HORMAD1: variants seen among roughly 807,000 people sequenced by gnomAD.
HORMAD1 encodes the protein HORMA domain containing 1.
HORMAD1 carries 33 observed loss-of-function variants against 58.2 expected under a neutral mutation model. That is an observed-to-expected ratio of 0.57 (90% CI 0.43 to 0.76). The LOEUF (loss-of-function observed/expected upper bound fraction) is 0.76, where lower values mean the gene tolerates loss of function less well. Among genes scored for constraint, HORMAD1 ranks in the 30% least tolerant of loss-of-function variants. The pLI, the probability that HORMAD1 is intolerant of heterozygous loss-of-function variation, is 0.00. For missense variants in HORMAD1, 363 were observed against 462.0 expected (o/e 0.79, Z 1.96); for synonymous variants, 137 against 144.6 (o/e 0.95, Z 0.38).
At chr1:150,718,684 G>C (rs1652163284) in intron 2 of HORMAD1, among the ~76,000 whole-genome samples, 1 of 152,086 alleles carries the variant, frequency 6.6e-6, no homozygotes, top group Admixed American at 6.5e-5. Flanking sequence ...GAGTGCAGTG[G>C]TGTGATCTCG....
chr1:150,717,332 AAGT>A (rs755889169), intron 2 of HORMAD1, 50 bp from the exon 3 acceptor site: 1 of 1,247,776 alleles, frequency 8.0e-7, no homozygotes, highest in South Asian at 1.7e-5. Context: ...ATTAAAAATA[AAGT>A]TTCTCTTGAC....
chr1:150,706,465 C>T (rs1651693255), intron 10 of HORMAD1, 88 bp downstream of exon 10: 8 of 1,111,224 alleles, frequency 7.2e-6, no homozygotes, highest in South Asian at 3.1e-5. Flanking sequence ...AGAATTTACA[C>T]AAATGTTAAT....
chr1:150,699,786 T>C (rs1932864), intron 14 of HORMAD1, among the ~76,000 whole-genome samples: 124,250 of 151,190 alleles, frequency 0.82, 52,178 homozygotes, highest in Non-Finnish European at 0.9. Flanking sequence ...CCTGCCTCAG[T>C]CTCCCAAAGT....
chr1:150,708,464 A>G, intron 8 of HORMAD1, 57 bp from the exon 9 acceptor site: 2 of 1,135,232 alleles, frequency 1.8e-6, no homozygotes, highest in Admixed American at 2.6e-5. Context: ...CTAATATCAT[A>G]ACTTTACATT....
At chr1:150,709,518 C>T (rs1033306640) in intron 7 of HORMAD1, among the ~76,000 whole-genome samples, 10 of 152,208 alleles carry the variant, frequency 6.6e-5, no homozygotes, top group Non-Finnish European at 8.8e-5. Flanking sequence ...TGCGGAAAGC[C>T]GCAGGGACCT....
At position 150,706,570 on chromosome 1, in the gene HORMAD1, G is replaced by T. The variant is rs867518028; in HGVS notation, c.787C>A (p.Gln263Lys). 6 of 1,606,304 alleles carry T rather than the reference G, an allele frequency of 3.7e-6. No homozygotes were observed. In the Middle Eastern group the frequency reaches 9.9e-4, roughly 266 times the overall value. ...ILRDKDVEDE[Q>K]EHYTSDDLDI... Reference sequence around the variant, plus strand: ...ACACTTACACTTGTATAATGCTCCTGTTCATCTTCTACATCTTTGTCCCTC... The same window carrying T: ...ACACTTACACTTGTATAATGCTCCTTTTCATCTTCTACATCTTTGTCCCTC... The change falls in exon 10 of 15, where the codon CAG becomes AAG. Residue 263 changes from glutamine (Q) to lysine (K), a missense_variant. By Grantham distance (53) the Gln-to-Lys change is moderately conservative. This residue lies in a region of HORMAD1 where 226 missense variants were observed against 257.8 expected (regional missense o/e 0.88). Transcript: ENST00000361824.
In HORMAD1 at chr1:150,706,568, C is replaced by T; in HGVS notation, c.789G>A (p.Gln263=). The part of the protein sequence containing the change: ...ILRDKDVEDE[Q]EHYTSDDLDI... ...ATACACTTACACTTGTATAATGCTC[C>T]TGTTCATCTTCTACATCTTTGTCCC... The change falls in exon 10 of 15, where the codon CAG becomes CAA. Residue 263 remains glutamine, a synonymous_variant. Transcript: ENST00000361824. 1 of 1,605,506 alleles carries T rather than the reference C, an allele frequency of 6.2e-7. No homozygotes were observed. The highest frequency in any genetic ancestry group is 8.5e-7 in the Non-Finnish European group (1 of 1,173,792).
At chr1:150,702,158 C>A (rs1267299877) in intron 13 of HORMAD1, among the ~76,000 whole-genome samples, 13 of 152,128 alleles carry the variant, frequency 8.5e-5, no homozygotes, top group Admixed American at 5.9e-4. Flanking sequence ...ATGTGGCCAA[C>A]AAACATATGA....
At chr1:150,713,053 T>A (rs1246284447) in intron 5 of HORMAD1, among the ~76,000 whole-genome samples, 2 of 152,114 alleles carry the variant, frequency 1.3e-5, no homozygotes, top group Non-Finnish European at 2.9e-5. Flanking sequence ...AACTTCCAAT[T>A]CTTTGCATTT....
Position 150,698,443 on chromosome 1 carries a change from T to C in HORMAD1, c.*211A>G. The stretch of plus-strand genomic sequence containing the variant: ...ATTTTACTTATTACCGAATCAATTA[T>C]GACATTTGTACTTTTGCTTTTATTC... On this transcript the variant is annotated 3_prime_UTR_variant, in exon 15 of 15. Coordinates refer to ENST00000361824, the MANE Select transcript of HORMAD1 (RefSeq NM_032132.5). The C allele has an allele frequency of 2.9e-6, 1 of 350,144 alleles. No individual in the cohort carries two copies. Among genetic ancestry groups the C allele is most frequent in the East Asian group, 4.5e-5 (1 of 22,034 alleles). 21.7% of individuals were successfully genotyped at this position (350,144 alleles called of 1,614,324 possible).
At chr1:150,718,290 G>C (rs1490621967) in intron 2 of HORMAD1, among the ~76,000 whole-genome samples, 2 of 150,436 alleles carry the variant, frequency 1.3e-5, no homozygotes, top group African/African-American at 2.4e-5. Flanking sequence ...ATATATCCTC[G>C]CACAACCTCT....
At chr1:150,706,293 G>A (rs1007956800) in intron 10 of HORMAD1, among the ~76,000 whole-genome samples, 1 of 152,172 alleles carries the variant, frequency 6.6e-6, no homozygotes, top group African/African-American at 2.4e-5. Context: ...GAAGGTAAGT[G>A]ACATAGGGAG....
rs587612826 is a variant in HORMAD1 at position 150,710,359 on chromosome 1, C to A, written c.327+1186G>T. Among the ~76,000 whole-genome samples, 10 of 152,182 alleles carry A rather than the reference C, an allele frequency of 6.6e-5. No homozygotes were observed. In the East Asian group the frequency reaches 1.7e-3, roughly 26 times the overall value. On this transcript the variant is annotated intron_variant, in intron 7 of 14. Coordinates refer to ENST00000361824, the MANE Select transcript of HORMAD1 (RefSeq NM_032132.5). ...TAAGCCTTAGTTTAAGTATTAGTTT[C>A]CCCAGCTAAAAAAGAGATTAAAGAC...
intron 12 of HORMAD1, among the ~76,000 whole-genome samples, chr1:150,703,717 T>G (rs1651603778): frequency 6.6e-6 from 1 of 152,216 alleles, no homozygotes. Flanking sequence ...ATCAATCATA[T>G]TTTTTCCAAG....
intron 14 of HORMAD1, among the ~76,000 whole-genome samples, chr1:150,699,131 C>T (rs1001001993): frequency 3.9e-5 from 6 of 152,100 alleles, no homozygotes; most frequent in African/African-American, 1.2e-4. Context: ...ACTCTTGAGA[C>T]GTTAACATTT....
chr1:150,714,702 TAG>T (rs762595056), intron 3 of HORMAD1, 24 bp from the exon 4 acceptor site: 1 of 1,212,614 alleles, frequency 8.2e-7, no homozygotes, highest in African/African-American at 1.5e-5. Context: ...TGATGAAATA[TAG>T]AGTTACTTAA....
chr1:150,708,846 T>C, intron 8 of HORMAD1, 48 bp downstream of exon 8: 1 of 953,776 alleles, frequency 1.0e-6, no homozygotes, highest in Non-Finnish European at 1.7e-6. Context: ...AGCATTAATA[T>C]GAATAAGTGG....
chr1:150,712,634 C>T (rs1415333136), intron 5 of HORMAD1, among the ~76,000 whole-genome samples: 1 of 152,112 alleles, frequency 6.6e-6, no homozygotes, highest in East Asian at 1.9e-4. Context: ...CTGCAATCTC[C>T]ACCTCCCAGG....
rs587717398 is a variant in HORMAD1 at position 150,713,012 on chromosome 1, T to C, written c.279+1073A>G. On this transcript the variant is annotated intron_variant, in intron 5 of 14. Coordinates refer to ENST00000361824, the MANE Select transcript of HORMAD1 (RefSeq NM_032132.5). ...CACTGGACAATTGCCCTCAGTCATA[T>C]TGGCCTTCTTTTTGTTCCTGGAACT... Among the ~76,000 whole-genome samples the C allele has an allele frequency of 7.9e-4, 120 of 152,298 alleles. 1 individual carries two copies. Among genetic ancestry groups the C allele is most frequent in the Middle Eastern group, 6.8e-3 (2 of 294 alleles).
Sources: allele counts gnomAD v4.1 joint callset (sites outside exome capture counted in the v4.1 genomes callset), GRCh38; gene constraint gnomAD v4.1.1; regional missense constraint gnomAD v4.1.1; transcripts MANE v1.5; gene names NCBI Gene and HGNC (gene_info 2026-07-23, HGNC 2026-07-21).